Variants in NME5 observed in about 807,000 individuals in gnomAD.
NME5 encodes the protein NME/NM23 family member 5.
Under a neutral mutation model 21.6 loss-of-function variants are expected in NME5, and 18 were observed. The observed-to-expected ratio is 0.83, with a 90% CI of 0.58 to 1.24. NME5 has a LOEUF of 1.24. NME5 is among the 50% of genes most tolerant of loss of function. The pLI is 0.00. For synonymous variants in NME5, 70 were observed against 80.6 expected (o/e 0.87, Z 0.71); for missense variants, 223 against 255.4 (o/e 0.87, Z 0.86).
At chr5:138,134,682 T>C (rs1751650784) in intron 2 of NME5, among the ~76,000 whole-genome samples, 1 of 151,996 alleles carries the variant, frequency 6.6e-6, no homozygotes, top group Non-Finnish European at 1.5e-5. Context: ...GGCCGGCTAA[T>C]TTTTAATTTA....
intron 3 of NME5, 89 bp from the exon 4 acceptor site, chr5:138,128,668 G>C (rs1357821214): frequency 3.8e-6 from 3 of 797,374 alleles, no homozygotes; most frequent in African/African-American, 3.6e-5. Context: ...TTTTACAAAA[G>C]CATTGCCACT....
At chr5:138,120,886 A>C (rs535220934) in intron 4 of NME5, among the ~76,000 whole-genome samples, 1 of 152,198 alleles carries the variant, frequency 6.6e-6, no homozygotes, top group Non-Finnish European at 1.5e-5. Flanking sequence ...TAAGTCAAAA[A>C]CACATTTAAT....
intron 3 of NME5, among the ~76,000 whole-genome samples, 184 bp downstream of exon 3, chr5:138,129,079 C>T (rs1045376706): frequency 6.6e-6 from 1 of 152,014 alleles, no homozygotes; most frequent in East Asian, 1.9e-4. Flanking sequence ...TTAAAATAGA[C>T]ATTTAACACT....
At position 138,115,885 on chromosome 5, in the gene NME5, A is replaced by T. The variant is rs185118982; in HGVS notation, c.556-121T>A. On this transcript the variant is annotated intron_variant, in intron 5 of 5. Coordinates refer to ENST00000265191, the MANE Select transcript of NME5 (RefSeq NM_003551.3). Reference sequence around the variant, plus strand: ...ATCACTTTAAGAAAATGACCATTAAAAATGGAAACATTTGGATTTACATTA... The same window carrying T: ...ATCACTTTAAGAAAATGACCATTAATAATGGAAACATTTGGATTTACATTA... The T allele has an allele frequency of 5.3e-5, 31 of 589,882 alleles. No individual in the cohort carries two copies. In the Admixed American group the frequency reaches 8.3e-4, roughly 16 times the overall value. 36.5% of individuals were successfully genotyped at this position (589,882 alleles called of 1,614,324 possible).
intron 2 of NME5, among the ~76,000 whole-genome samples, chr5:138,136,210 A>G (rs1315323562): frequency 1.3e-5 from 2 of 152,256 alleles, no homozygotes; most frequent in Non-Finnish European, 2.9e-5. Context: ...TGCGCATGAC[A>G]GGTAGTAAGA....
intron 1 of NME5, 139 bp downstream of exon 1, chr5:138,139,232 C>T: frequency 2.6e-6 from 1 of 387,820 alleles, no homozygotes; most frequent in Non-Finnish European, 3.5e-6. Context: ...CGGCCAGCTG[C>T]CTCTGTGAAG....
At chr5:138,128,963 T>G (rs1175929871) in intron 3 of NME5, among the ~76,000 whole-genome samples, 2 of 152,196 alleles carry the variant, frequency 1.3e-5, no homozygotes, top group Non-Finnish European at 2.9e-5. Flanking sequence ...ACCATTCCAA[T>G]TTTTCCATCT....
chr5:138,129,404 A>AT lies in NME5; in HGVS notation c.193dup (p.Met65AsnfsTer22). ...GTAAGCTGTTAAGTTGGGGAAAAAC[A>AT]TTTTTCCATACTTTTCCACATAAAA... is the stretch of plus-strand genomic sequence containing the variant. On this transcript the variant is annotated frameshift_variant, in exon 3 of 6. Coordinates refer to ENST00000265191, the MANE Select transcript of NME5 (RefSeq NM_003551.3). LOFTEE classifies it high-confidence loss of function. 6.2e-7 allele frequency: 1 copy of AT among 1,614,004 alleles called. No individual in the cohort carries two copies. The highest frequency in any genetic ancestry group is 8.5e-7 in the Non-Finnish European group (1 of 1,179,948).
Position 138,129,552 on chromosome 5 carries a change from G to A in NME5, c.130-84C>T, listed in dbSNP as rs76639778. On this transcript the variant is annotated intron_variant, in intron 2 of 5. Transcript: ENST00000265191. ...TAAAATCATTAGTAACTTGAAACTA[G>A]TACCAATCTGATTATAACTTCAAGG... 5.2e-4 allele frequency: 448 copies of A among 860,726 alleles called. 2 individuals carry two copies. The African/African-American group carries it at 6.7e-3, about 13-fold the overall frequency. The allele number at this position is 860,726 out of a possible 1,614,324, so 53.3% of individuals were successfully genotyped here.
At chr5:138,134,681 A>T (rs982382119) in intron 2 of NME5, among the ~76,000 whole-genome samples, 1 of 151,082 alleles carries the variant, frequency 6.6e-6, no homozygotes, top group Admixed American at 6.6e-5. Context: ...CGGCCGGCTA[A>T]TTTTTAATTT....
chr5:138,137,204 C>T (rs1057355780), intron 2 of NME5, among the ~76,000 whole-genome samples: 1 of 152,144 alleles, frequency 6.6e-6, no homozygotes, highest in African/African-American at 2.4e-5. Flanking sequence ...AGTCTTTAAT[C>T]ATATTAAATA....
intron 5 of NME5, among the ~76,000 whole-genome samples, chr5:138,117,097 T>C (rs575498861): frequency 2.7e-5 from 4 of 150,550 alleles, no homozygotes; most frequent in African/African-American, 9.8e-5. Context: ...TGGTCCCAGC[T>C]ACTTGGCAGC....
chr5:138,138,750 A>G lies in NME5; in HGVS notation c.31T>C (p.Tyr11His), dbSNP rs911109707. 2.5e-6 allele frequency: 4 copies of G among 1,612,268 alleles called. No homozygotes were observed. Among genetic ancestry groups the G allele is most frequent in the African/African-American group, 2.7e-5 (2 of 74,764 alleles). Reference protein sequence around the residue: MEISMPPPQIYVEKTLAIIKP... With the variant: MEISMPPPQIHVEKTLAIIKP... The stretch of plus-strand genomic sequence containing the variant: ...ATAATGGCCAGAGTTTTTTCTACAT[A>G]TATCTGAGGTGGAGGCATTGATATC... Residue 11 changes from tyrosine to histidine, a missense_variant, in exon 2 of 6, where the codon TAT becomes CAT. By Grantham distance (83) the Tyr-to-His change is moderately conservative (BLOSUM62 2). Coordinates refer to ENST00000265191, the MANE Select transcript of NME5 (RefSeq NM_003551.3).
At chr5:138,129,505 TGAC>T in intron 2 of NME5, 37 bp from the exon 3 acceptor site, 1 of 1,485,332 alleles carries the variant, frequency 6.7e-7, no homozygotes, top group African/African-American at 1.4e-5. Flanking sequence ...GCATTTAAAA[TGAC>T]AGTTCAATGA....
rs70979583 is a variant in NME5, at chr5:138,123,985, C to CTTTT, written c.436+4490_436+4493dup. 6.7e-4 allele frequency among the ~76,000 whole-genome samples: 25 copies of CTTTT among 37,252 alleles called. 7 individuals carry two copies. The highest frequency in any genetic ancestry group is 1.7e-3 in the South Asian group (1 of 574). The allele number at this position is 37,252 out of a possible 152,430, so 24.4% of individuals were successfully genotyped here. ...CCCTGATGATTAGTGATTTTGAGCACTTTTTTTTTTTTTTTTTTTTTTTTT... is the reference window on the plus strand; with the variant it reads ...CCCTGATGATTAGTGATTTTGAGCACTTTTTTTTTTTTTTTTTTTTTTTTTTTTT... On this transcript the variant is annotated intron_variant, in intron 4 of 5. Coordinates refer to ENST00000265191, the MANE Select transcript of NME5 (RefSeq NM_003551.3).
intron 4 of NME5, among the ~76,000 whole-genome samples, chr5:138,124,593 T>A (rs1751357318): frequency 6.6e-6 from 1 of 152,228 alleles, no homozygotes; most frequent in Admixed American, 6.5e-5. Context: ...CAAATGCAGC[T>A]CACTGCGGCC....
chr5:138,131,306 G>A (rs1449662718), intron 2 of NME5, among the ~76,000 whole-genome samples: 5 of 151,584 alleles, frequency 3.3e-5, no homozygotes, highest in South Asian at 2.1e-4. Flanking sequence ...ACTTGAACCC[G>A]GGAGGCAGAG....
intron 2 of NME5, among the ~76,000 whole-genome samples, chr5:138,137,718 A>G (rs1461536545): frequency 1.3e-5 from 2 of 150,988 alleles, no homozygotes; most frequent in Non-Finnish European, 3.0e-5. Context: ...ACTGTAAAAG[A>G]GGCGGGGTGC....
intron 3 of NME5, 114 bp downstream of exon 3, chr5:138,129,149 T>C (rs1441004164): frequency 1.1e-6 from 1 of 884,372 alleles, no homozygotes. Flanking sequence ...AAAAGTTGAT[T>C]TTGGAAAACT....
Sources: allele counts gnomAD v4.1 joint callset (sites outside exome capture counted in the v4.1 genomes callset), GRCh38; gene constraint gnomAD v4.1.1; transcripts MANE v1.5; gene names NCBI Gene and HGNC (gene_info 2026-07-23, HGNC 2026-07-21).